Variants in CRTC3 observed in about 807,000 individuals in gnomAD.
CRTC3 encodes the protein CREB regulated transcription coactivator 3.
Under a neutral mutation model 74.5 loss-of-function variants are expected in CRTC3, and 26 were observed. The observed-to-expected ratio is 0.35, with a 90% CI of 0.26 to 0.48. CRTC3 has a LOEUF of 0.48. CRTC3 is among the 20% of genes least tolerant of loss of function. The probability of loss-of-function intolerance (pLI) is 0.99; values close to 1 mark genes in which losing one functional copy is unlikely to be tolerated. For synonymous variants in CRTC3, 377 were observed against 325.8 expected (o/e 1.16, Z -1.69); for missense variants, 760 against 787.3 (o/e 0.97, Z 0.41).
chr15:90,592,619 T>C (rs996083936), intron 2 of CRTC3, among the ~76,000 whole-genome samples: 8 of 152,262 alleles, frequency 5.3e-5, no homozygotes, highest in Non-Finnish European at 1.2e-4. Context: ...ACAATCTGTT[T>C]CTGCTTTCAT....
At chr15:90,634,654 C>T (rs1969166530) in intron 11 of CRTC3, 2 of 558,282 alleles carry the variant, frequency 3.6e-6, no homozygotes, top group Middle Eastern at 3.8e-4. Flanking sequence ...TGTTTAAGAA[C>T]AGGACACTGA....
At chr15:90,537,841 A>G (rs1966744760) in intron 1 of CRTC3, among the ~76,000 whole-genome samples, 1 of 152,180 alleles carries the variant, frequency 6.6e-6, no homozygotes, top group Admixed American at 6.5e-5. Flanking sequence ...CAGCTGGCTA[A>G]TAGTTAGTAG....
intron 8 of CRTC3, among the ~76,000 whole-genome samples, chr15:90,618,972 G>C (rs1243448174): frequency 6.6e-6 from 1 of 152,108 alleles, no homozygotes; most frequent in Non-Finnish European, 1.5e-5. Context: ...CCAGGGACTG[G>C]TCTCTGGAAA....
At position 90,548,390 on chromosome 15, in the gene CRTC3, G is replaced by A. The variant is rs115185197; in HGVS notation, c.231+8253G>A. 5.4e-3 allele frequency among the ~76,000 whole-genome samples: 824 copies of A among 152,312 alleles called. 6 individuals are homozygous for A. Among genetic ancestry groups the A allele is most frequent in the African/African-American group, 0.018 (756 of 41,554 alleles). On this transcript the variant is annotated intron_variant, in intron 2 of 14. Transcript: ENST00000268184. ...ATACCAAGGCAGTTTGCAAAGGCCT[G>A]GAGGGCCAGGTCCAGCAAGGTGGTT...
Position 90,644,486 on chromosome 15 carries a change from C to T in CRTC3, c.*2346C>T. On this transcript the variant is annotated 3_prime_UTR_variant, in exon 15 of 15. Coordinates refer to ENST00000268184, the MANE Select transcript of CRTC3 (RefSeq NM_022769.5). ...GCCACCCTGCCTGGCAACAGAGACC[C>T]CAAGACCTACACAGTGAACCCTACT... 1 of 231,830 alleles carries T rather than the reference C, an allele frequency of 4.3e-6. No homozygotes were observed. Among genetic ancestry groups the T allele is most frequent in the Non-Finnish European group, 8.5e-6 (1 of 117,364 alleles). 14.4% of individuals were successfully genotyped at this position (231,830 alleles called of 1,614,324 possible).
chr15:90,633,661 GTTCT>G (rs1436510296), intron 11 of CRTC3, among the ~76,000 whole-genome samples: 4 of 152,064 alleles, frequency 2.6e-5, no homozygotes, highest in African/African-American at 4.8e-5. Flanking sequence ...TCTGGGAAAT[GTTCT>G]TTATTTCTTC....
chr15:90,622,620 G>A (rs1425453298), intron 9 of CRTC3, among the ~76,000 whole-genome samples: 1 of 152,168 alleles, frequency 6.6e-6, no homozygotes, highest in Non-Finnish European at 1.5e-5. Flanking sequence ...GGAGGCTGAG[G>A]CAGGCCGATC....
At position 90,530,209 on chromosome 15, in the gene CRTC3, G is replaced by GTCGGTCAT; in HGVS notation, c.132+6_132+7insTCGGTCAT. On this transcript the variant is annotated splice_region_variant and intron_variant, in intron 1 of 14. Transcript: ENST00000268184. The surrounding 1 kb of genome is among the most constrained non-coding windows in gnomAD (Gnocchi z 6.2). The stretch of plus-strand genomic sequence containing the variant: ...CCGACCTCACCCTGTCGCGGGTGAG[G>GTCGGTCAT]GCCCGGGCCGGCGCGGGCGGGGGCG... 8.5e-7 allele frequency: 1 copy of GTCGGTCAT among 1,172,114 alleles called. No individual in the cohort carries two copies. The highest frequency in any genetic ancestry group is 1.1e-6 in the Non-Finnish European group (1 of 937,072). 72.6% of individuals were successfully genotyped at this position (1,172,114 alleles called of 1,614,324 possible).
chr15:90,588,334 C>T (rs1157423205), intron 2 of CRTC3, among the ~76,000 whole-genome samples: 1 of 151,828 alleles, frequency 6.6e-6, no homozygotes, highest in Non-Finnish European at 1.5e-5. Context: ...ACCATATTAG[C>T]CAGCTTTGCT....
intron 2 of CRTC3, among the ~76,000 whole-genome samples, chr15:90,588,217 G>A (rs1449860959): frequency 1.3e-5 from 2 of 150,440 alleles, no homozygotes; most frequent in African/African-American, 4.9e-5. Context: ...CTGAGATCAC[G>A]CCACTGCACT....
intron 9 of CRTC3, among the ~76,000 whole-genome samples, chr15:90,620,476 G>A (rs1462129320): frequency 1.3e-5 from 2 of 152,158 alleles, no homozygotes; most frequent in Non-Finnish European, 2.9e-5. Flanking sequence ...GGAAGTTCAT[G>A]AGGAAGTTGA....
At chr15:90,601,402 C>A (rs776020284) in intron 3 of CRTC3, among the ~76,000 whole-genome samples, 1 of 152,128 alleles carries the variant, frequency 6.6e-6, no homozygotes, top group African/African-American at 2.4e-5. Flanking sequence ...CTAATCCCAG[C>A]AATTTGGGAG....
At position 90,593,727 on chromosome 15, in the gene CRTC3, G is replaced by A. The variant is rs1287404638; in HGVS notation, c.323G>A (p.Arg108Gln). The A allele has an allele frequency of 1.2e-6, 2 of 1,609,914 alleles. No homozygotes were observed. Among genetic ancestry groups the A allele is most frequent in the Non-Finnish European group, 1.7e-6 (2 of 1,176,632 alleles). The change falls in exon 3 of 15, where the codon CGA becomes CAA. Residue 108 changes from arginine (R) to glutamine (Q), a missense_variant. Physicochemically the swap from Arg to Gln is conservative, Grantham distance 43. Around this residue, in one of 2 missense-constraint regions of CRTC3, gnomAD observed 652 missense variants for 635.2 expected, o/e 1.03. Coordinates refer to ENST00000268184, the MANE Select transcript of CRTC3 (RefSeq NM_022769.5). ...PSRNRFHPLH[R>Q]RSGDKPGRQF... is the part of the protein sequence containing the mutation. The stretch of plus-strand genomic sequence containing the variant: ...AGGAACCGCTTCCACCCCCTCCACC[G>A]AAGGTCTGGGGACAAGCCAGGGCGA...
At position 90,638,718 on chromosome 15, in the gene CRTC3, C is replaced by T. The variant is rs1234903755; in HGVS notation, c.1468-17C>T. ...TCTGAGTTCCAAGCTAAATGATCAT[C>T]TCCTTATTCCCTGAAGGGCTCATCT... is the stretch of plus-strand genomic sequence containing the variant. On this transcript the variant is annotated splice_polypyrimidine_tract_variant and intron_variant, in intron 12 of 14. Coordinates refer to ENST00000268184, the MANE Select transcript of CRTC3 (RefSeq NM_022769.5). 6.2e-7 allele frequency: 1 copy of T among 1,613,570 alleles called. No homozygotes were observed. The highest frequency in any genetic ancestry group is 8.5e-7 in the Non-Finnish European group (1 of 1,179,600).
At chr15:90,592,465 G>A (rs922723734) in intron 2 of CRTC3, among the ~76,000 whole-genome samples, 2 of 152,178 alleles carry the variant, frequency 1.3e-5, no homozygotes, top group African/African-American at 2.4e-5. Context: ...GCCTCATTAT[G>A]TGAGATTTAT....
intron 2 of CRTC3, among the ~76,000 whole-genome samples, chr15:90,543,821 T>C (rs1372912636): frequency 6.6e-6 from 1 of 152,190 alleles, no homozygotes; most frequent in East Asian, 1.9e-4. Context: ...TGTAGAATAG[T>C]TCCATTACCC....
chr15:90,572,691 T>G (rs1312050614), intron 2 of CRTC3, among the ~76,000 whole-genome samples: 1 of 152,180 alleles, frequency 6.6e-6, no homozygotes, highest in African/African-American at 2.4e-5. Context: ...TTCTCCTGCC[T>G]CAGCCTCCTG....
intron 11 of CRTC3, among the ~76,000 whole-genome samples, chr15:90,630,553 G>A (rs529587313): frequency 3.0e-4 from 45 of 152,242 alleles, no homozygotes; most frequent in Middle Eastern, 3.4e-3. Context: ...GGTCGAGGCT[G>A]CAGTGAGCCA....
intron 4 of CRTC3, among the ~76,000 whole-genome samples, chr15:90,603,367 C>T (rs1332654880): frequency 1.3e-5 from 2 of 150,692 alleles, no homozygotes; most frequent in Admixed American, 6.6e-5. Flanking sequence ...GGCGTGAACC[C>T]AGGAGGCGGA....
Sources: allele counts gnomAD v4.1 joint callset (sites outside exome capture counted in the v4.1 genomes callset), GRCh38; gene constraint gnomAD v4.1.1; regional missense constraint gnomAD v4.1.1; non-coding constraint Gnocchi (gnomAD v3.1); transcripts MANE v1.5; gene names NCBI Gene and HGNC (gene_info 2026-07-23, HGNC 2026-07-21).